Variants in DMD observed in about 807,000 individuals in gnomAD.
The protein encoded by DMD is mutant dystrophin.
In DMD, 63 loss-of-function variants were observed where a neutral mutation model predicts 330.1. That is an observed-to-expected ratio of 0.19 (90% confidence interval 0.16 to 0.24). The LOEUF (loss-of-function observed/expected upper bound fraction) is 0.24, where lower values mean the gene tolerates loss of function less well. DMD is among the 10% of genes least tolerant of loss of function. The pLI is 1.00. For missense variants in DMD, 3,344 were observed against 2,684.1 expected (o/e 1.25, Z -5.43); for synonymous variants, 1,223 against 959.8 (o/e 1.27, Z -5.07).
chrX:33,058,471 A>T (rs376585047), intron 1 of DMD, among the ~76,000 whole-genome samples: 60 of 51,036 alleles, frequency 1.2e-3, no homozygotes, highest in African/African-American at 6.0e-3. Flanking sequence ...TTATTATTTT[A>T]TTTTTTTTTT....
At position 31,343,580 on chromosome X, in the gene DMD, G is replaced by A. The variant is rs187245678; in HGVS notation, c.9163+4976C>T. Reference sequence around the variant, plus strand: ...GTAATTTCCAAATAATTTCCAAAGGGGAGTGTGTGTGTGTGTGTGTGTGTG... The same window carrying A: ...GTAATTTCCAAATAATTTCCAAAGGAGAGTGTGTGTGTGTGTGTGTGTGTG... On this transcript the variant is annotated intron_variant, in intron 61 of 78. Transcript: ENST00000357033. Among the ~76,000 whole-genome samples, 645 of 84,970 alleles carry A rather than the reference G, an allele frequency of 7.6e-3. 6 individuals are homozygous for A. Among genetic ancestry groups the A allele is most frequent in the African/African-American group, 0.03 (626 of 20,812 alleles). 73.8% of individuals were successfully genotyped at this position (84,970 alleles called of 115,157 possible).
intron 1 of DMD, among the ~76,000 whole-genome samples, chrX:33,194,741 G>A (rs1321116703): frequency 9.0e-6 from 1 of 110,977 alleles, no homozygotes; most frequent in Admixed American, 9.7e-5. Context: ...CTCAAGCTAA[G>A]TTTTCTCATA....
chrX:32,835,115 G>C (rs1469432671), intron 4 of DMD, among the ~76,000 whole-genome samples: 2 of 111,883 alleles, frequency 1.8e-5, no homozygotes, highest in Non-Finnish European at 3.8e-5. Context: ...TCACTGATTA[G>C]AACTTAGTTA....
chrX:32,279,966 CATAT>C lies in DMD; in HGVS notation c.6290+7559_6290+7562del, dbSNP rs200773895. On this transcript the variant is annotated intron_variant, in intron 43 of 78. Transcript: ENST00000357033. ...TATATACACATATATATGTGTAACC[CATAT>C]ATATATGTACCCCACATATATATAT... 3.3e-3 allele frequency among the ~76,000 whole-genome samples: 212 copies of C among 64,332 alleles called. 4 individuals are homozygous for C. The highest frequency in any genetic ancestry group is 0.011 in the African/African-American group (202 of 18,559). 55.9% of individuals were successfully genotyped at this position (64,332 alleles called of 115,157 possible).
intron 44 of DMD, among the ~76,000 whole-genome samples, chrX:32,073,822 G>T (rs905552342): frequency 1.8e-5 from 2 of 111,351 alleles, no homozygotes; most frequent in African/African-American, 6.5e-5. Flanking sequence ...AGAAGAAAGA[G>T]CATAGCGTTA....
intron 57 of DMD, among the ~76,000 whole-genome samples, chrX:31,484,830 G>C (rs1413223215): frequency 8.9e-6 from 1 of 111,961 alleles, no homozygotes; most frequent in Non-Finnish European, 1.9e-5. Flanking sequence ...AACCTATTAG[G>C]TACAAAGTTA....
intron 44 of DMD, among the ~76,000 whole-genome samples, chrX:32,092,174 A>G (rs892104833): frequency 2.7e-5 from 3 of 111,669 alleles, no homozygotes; most frequent in African/African-American, 9.8e-5. Context: ...TAGGTTGTGC[A>G]TGATAATGTG....
chrX:31,460,612 T>G (rs750052881), intron 59 of DMD, among the ~76,000 whole-genome samples: 1 of 111,934 alleles, frequency 8.9e-6, no homozygotes, highest in Non-Finnish European at 1.9e-5. Context: ...GACAAGGTCT[T>G]GCTTTGTCAC....
chrX:31,503,761 G>A (rs1347799304), intron 56 of DMD, among the ~76,000 whole-genome samples: 1 of 111,109 alleles, frequency 9.0e-6, no homozygotes, highest in Non-Finnish European at 1.9e-5. Context: ...GAAATTGTTG[G>A]AGAGTAGGAA....
At chrX:31,298,432 TAC>T (rs1470777658) in intron 62 of DMD, among the ~76,000 whole-genome samples, 1 of 82,225 alleles carries the variant, frequency 1.2e-5, no homozygotes, top group East Asian at 3.3e-4. Context: ...CACACACACA[TAC>T]ACACACACAC....
intron 52 of DMD, among the ~76,000 whole-genome samples, chrX:31,681,834 G>T (rs753709454): frequency 8.8e-6 from 1 of 113,050 alleles, no homozygotes; most frequent in South Asian, 3.6e-4. Flanking sequence ...GGTGGCTCAC[G>T]CCTGTAATCC....
At chrX:31,594,082 T>C (rs1331489634) in intron 55 of DMD, among the ~76,000 whole-genome samples, 1 of 110,985 alleles carries the variant, frequency 9.0e-6, no homozygotes, top group Non-Finnish European at 1.9e-5. Flanking sequence ...ATTTCTCAAT[T>C]TTTATACTAC....
At chrX:32,578,085 C>G (rs932308181) in intron 13 of DMD, among the ~76,000 whole-genome samples, 1 of 111,869 alleles carries the variant, frequency 8.9e-6, no homozygotes, top group African/African-American at 3.2e-5. Flanking sequence ...CTATCATTGC[C>G]TGAATGGCTA....
intron 36 of DMD, 100 bp downstream of exon 36, chrX:32,364,482 T>C (rs2097847405): frequency 6.2e-6 from 6 of 973,852 alleles, no homozygotes; most frequent in Non-Finnish European, 8.7e-6. Context: ...GAAAGGATTG[T>C]TTTACTCTTA....
chrX:32,390,816 G>T (rs2097996921), intron 30 of DMD, among the ~76,000 whole-genome samples: 1 of 111,240 alleles, frequency 9.0e-6, no homozygotes, highest in Non-Finnish European at 1.9e-5. Flanking sequence ...CACTGTGCCT[G>T]GCCTTAGTGT....
intron 2 of DMD, among the ~76,000 whole-genome samples, chrX:32,957,051 G>C (rs1452166236): frequency 1.8e-5 from 2 of 111,518 alleles, no homozygotes; most frequent in East Asian, 5.7e-4. Context: ...TTGCTTTCTA[G>C]ACAGGCTCCA....
intron 63 of DMD, among the ~76,000 whole-genome samples, chrX:31,253,266 G>A (rs2049591652): frequency 8.9e-6 from 1 of 112,361 alleles, no homozygotes; most frequent in Non-Finnish European, 1.9e-5. Context: ...AGTTCAAAGC[G>A]TTATGGCAGT....
intron 44 of DMD, among the ~76,000 whole-genome samples, chrX:31,973,958 A>C (rs1422621675): frequency 8.9e-6 from 1 of 111,900 alleles, no homozygotes; most frequent in Non-Finnish European, 1.9e-5. Flanking sequence ...AACTCAGTCA[A>C]ATAAAAAGGT....
intron 51 of DMD, among the ~76,000 whole-genome samples, chrX:31,751,658 G>A (rs1321911693): frequency 4.5e-5 from 5 of 111,809 alleles, no homozygotes; most frequent in Admixed American, 9.5e-5. Flanking sequence ...AGTGGACCAT[G>A]ACATTGCCCC....
Sources: gnomAD v4.1 joint callset for allele counts (sites outside exome capture counted in the v4.1 genomes callset) on GRCh38, gnomAD v4.1.1 for gene constraint, MANE v1.5 for transcripts, NCBI Gene and HGNC (gene_info 2026-07-23, HGNC 2026-07-21) for gene names.